ERGIC1: variants seen among roughly 807,000 people sequenced by gnomAD.
The protein encoded by ERGIC1 is endoplasmic reticulum-golgi intermediate compartment 1, also known as endoplasmic reticulum-Golgi intermediate compartment protein 1.
A neutral mutation model predicts 38.3 loss-of-function variants in ERGIC1; 19 were observed. That is an observed-to-expected ratio of 0.50 (90% confidence interval 0.35 to 0.73). The LOEUF is 0.73. ERGIC1 is among the 30% of genes least tolerant of loss of function. The probability of loss-of-function intolerance (pLI) is 0.01; values close to 1 mark genes in which losing one functional copy is unlikely to be tolerated. For missense variants in ERGIC1, 294 were observed against 389.2 expected, an observed-to-expected ratio of 0.76 and a Z score of 2.06; for synonymous variants, 124 against 157.6, an observed-to-expected ratio of 0.79 and a Z score of 1.60.
At chr5:172,842,253 AT>A (rs1401381971) in intron 1 of ERGIC1, among the ~76,000 whole-genome samples, 3 of 152,166 alleles carry the variant, frequency 2.0e-5, no homozygotes, top group African/African-American at 7.2e-5. Context: ...ATATTTGCCT[AT>A]TTTAGATACT....
intron 1 of ERGIC1, among the ~76,000 whole-genome samples, chr5:172,845,064 G>C (rs1035459591): frequency 1.3e-5 from 2 of 152,120 alleles, no homozygotes; most frequent in African/African-American, 2.4e-5. Context: ...GGACTTGGCC[G>C]AGGTCACACA....
intron 1 of ERGIC1, among the ~76,000 whole-genome samples, chr5:172,835,271 G>A (rs1761006204): frequency 6.6e-6 from 1 of 152,216 alleles, no homozygotes; most frequent in South Asian, 2.1e-4. Context: ...GCAGGGAGGA[G>A]CTGGATTAGA....
chr5:172,942,654 G>A lies in ERGIC1; in HGVS notation c.765+7344G>A, dbSNP rs531829093. Among the ~76,000 whole-genome samples the A allele has an allele frequency of 3.9e-5, 6 of 152,306 alleles. No homozygotes were observed. In the South Asian group the frequency reaches 6.2e-4, roughly 16 times the overall value. On this transcript the variant is annotated intron_variant, in intron 9 of 9. Transcript: ENST00000393784. ...AAAACGCTTCAGTTCAGATCCTTCC[G>A]TGGTATTCCAAGCTGAACTAGATCT...
chr5:172,915,070 C>T (rs1362653195), intron 5 of ERGIC1: 6 of 728,146 alleles, frequency 8.2e-6, no homozygotes, highest in Non-Finnish European at 1.3e-5. Context: ...CTACTCTTCT[C>T]TCCAGTGAGG....
chr5:172,843,003 G>A (rs1045578119), intron 1 of ERGIC1, among the ~76,000 whole-genome samples: 9 of 152,168 alleles, frequency 5.9e-5, no homozygotes, highest in Non-Finnish European at 1.2e-4. Flanking sequence ...AATTAGCTGG[G>A]CATGGTGGTA....
intron 3 of ERGIC1, among the ~76,000 whole-genome samples, chr5:172,909,352 G>T (rs997761951): frequency 2.6e-5 from 4 of 152,002 alleles, no homozygotes; most frequent in African/African-American, 9.7e-5. Flanking sequence ...TAGAGATGAG[G>T]TTTCACCATG....
Position 172,903,828 on chromosome 5 carries a change from CGAACCCTGGTAGCCTAGGCTTT to C in ERGIC1, c.156-5817_156-5796del, listed in dbSNP as rs1393506919. Among the ~76,000 whole-genome samples, 67 of 151,904 alleles carry C rather than the reference CGAACCCTGGTAGCCTAGGCTTT, an allele frequency of 4.4e-4. 1 individual carries two copies. The highest frequency in any genetic ancestry group is 1.0e-3 in the African/African-American group (43 of 41,446). ...GCCAAGAGGTGGCAGAGCCAGGATT[CGAACCCTGGTAGCCTAGGCTTT>C]GAACCCTGGTAGCCTAGGCTTCGAA... is the stretch of plus-strand genomic sequence containing the variant. On this transcript the variant is annotated intron_variant, in intron 3 of 9. Transcript: ENST00000393784.
intron 1 of ERGIC1, among the ~76,000 whole-genome samples, chr5:172,853,088 C>T (rs1041420073): frequency 1.1e-4 from 16 of 148,302 alleles, no homozygotes; most frequent in African/African-American, 2.7e-4. Context: ...TATGAGTGTG[C>T]AAATGTGTGA....
At chr5:172,934,825 A>G (rs777749359) in intron 8 of ERGIC1, 3 of 305,502 alleles carry the variant, frequency 9.8e-6, no homozygotes, top group African/African-American at 4.3e-5. Flanking sequence ...CGTTCAGCAA[A>G]CCATTGTTGA....
At chr5:172,940,356 C>T (rs906796600) in intron 9 of ERGIC1, among the ~76,000 whole-genome samples, 3 of 152,134 alleles carry the variant, frequency 2.0e-5, no homozygotes, top group African/African-American at 7.2e-5. Flanking sequence ...TAGAACATTC[C>T]AGCGCCAAGG....
At chr5:172,864,247 T>C (rs1396228436) in intron 1 of ERGIC1, among the ~76,000 whole-genome samples, 1 of 146,946 alleles carries the variant, frequency 6.8e-6, no homozygotes, top group Non-Finnish European at 1.5e-5. Context: ...CTACACACAA[T>C]GACAATAAAT....
chr5:172,848,202 A>G (rs1761324508), intron 1 of ERGIC1, among the ~76,000 whole-genome samples: 1 of 152,112 alleles, frequency 6.6e-6, no homozygotes, highest in Admixed American at 6.5e-5. Context: ...TCCATCAAAA[A>G]TTTATTGGAG....
chr5:172,863,431 G>A (rs1761769637), intron 1 of ERGIC1, among the ~76,000 whole-genome samples: 1 of 152,168 alleles, frequency 6.6e-6, no homozygotes, highest in Non-Finnish European at 1.5e-5. Flanking sequence ...AACCGTCTCA[G>A]GTACACCACT....
At chr5:172,866,220 CA>C (rs1761856974) in intron 1 of ERGIC1, among the ~76,000 whole-genome samples, 2 of 152,128 alleles carry the variant, frequency 1.3e-5, no homozygotes, top group South Asian at 2.1e-4. Context: ...AAGGAAAGGC[CA>C]ACTGGGGAGA....
intron 3 of ERGIC1, among the ~76,000 whole-genome samples, chr5:172,908,445 ACG>A (rs1763109645): frequency 6.7e-6 from 1 of 150,028 alleles, no homozygotes; most frequent in Non-Finnish European, 1.5e-5. Flanking sequence ...GAGTGGTGGC[ACG>A]CACCTGTAGT....
intron 3 of ERGIC1, among the ~76,000 whole-genome samples, chr5:172,899,536 C>T (rs1270795218): frequency 2.0e-5 from 3 of 151,960 alleles, no homozygotes; most frequent in South Asian, 2.1e-4. Context: ...AGGCTGGTCT[C>T]GAACTCCTGA....
intron 1 of ERGIC1, among the ~76,000 whole-genome samples, chr5:172,874,979 G>C (rs1762109994): frequency 6.6e-6 from 1 of 151,654 alleles, no homozygotes; most frequent in Admixed American, 6.6e-5. Flanking sequence ...GCTCCCCCGA[G>C]GAGATGACAT....
At chr5:172,890,986 C>T (rs539109245) in intron 2 of ERGIC1, among the ~76,000 whole-genome samples, 3 of 152,342 alleles carry the variant, frequency 2.0e-5, no homozygotes, top group East Asian at 3.9e-4. Context: ...GCTCTGTGTT[C>T]GGGCAGAGCA....
intron 1 of ERGIC1, among the ~76,000 whole-genome samples, chr5:172,875,278 C>T (rs538445863): frequency 3.9e-5 from 6 of 152,144 alleles, no homozygotes; most frequent in Non-Finnish European, 8.8e-5. Context: ...GTTGGCTCAG[C>T]ATCTCAAGGA....
Sources: allele counts gnomAD v4.1 joint callset (sites outside exome capture counted in the v4.1 genomes callset), GRCh38; gene constraint gnomAD v4.1.1; transcripts MANE v1.5; gene names NCBI Gene and HGNC (gene_info 2026-07-23, HGNC 2026-07-21).